The following LILRB2 variants were observed in gnomAD, a reference collection of about 807,000 sequenced individuals.
LILRB2 encodes the protein leukocyte immunoglobulin-like receptor subfamily B member 2.
In LILRB2, 47 loss-of-function variants were observed where a neutral mutation model predicts 72.7. That is an observed-to-expected ratio of 0.65 (90% CI 0.51 to 0.82). The LOEUF (loss-of-function observed/expected upper bound fraction) is 0.82, where lower values mean the gene tolerates loss of function less well. Ranked by LOEUF, LILRB2 falls within the 40% of genes least tolerant of loss-of-function variation. The pLI, the probability that LILRB2 is intolerant of heterozygous loss-of-function variation, is 0.00. For missense variants in LILRB2, 767 were observed against 764.8 expected, an observed-to-expected ratio of 1.00 and a Z score of -0.03; for synonymous variants, 279 against 313.7, an observed-to-expected ratio of 0.89 and a Z score of 1.17.
Position 54,278,442 on chromosome 19 carries a change from G to C in LILRB2, c.1076C>G (p.Ala359Gly), listed in dbSNP as rs150441991. Residue 359 changes from alanine to glycine, a missense_variant, in exon 7 of 14, where the codon GCG becomes GGG. Around this residue, in one of 3 missense-constraint regions of LILRB2, gnomAD observed 599 missense variants for 568.2 expected, o/e 1.05. Transcript: ENST00000314446. ...ACGGAGTGGGGCATCAGCTGCTCCCGCCTTGGTCAGAAGGAAAGTGTGGAA... is the reference window on the plus strand; with the variant it reads ...ACGGAGTGGGGCATCAGCTGCTCCCCCCTTGGTCAGAAGGAAAGTGTGGAA... The part of the protein sequence containing the change: ...RQFHTFLLTK[A>G]GAADAPLRLR... 6.3e-7 allele frequency: 1 copy of C among 1,598,188 alleles called. No individual in the cohort carries two copies.
intron 1 of LILRB2, 167 bp from the exon 2 acceptor site, chr19:54,280,711 G>T: frequency 1.0e-6 from 1 of 965,250 alleles, no homozygotes; most frequent in Non-Finnish European, 1.6e-6. Flanking sequence ...GCTGAGGTGG[G>T]GGCAGGCACT....
intron 1 of LILRB2, 146 bp from the exon 2 acceptor site, chr19:54,280,690 A>C: frequency 3.3e-6 from 2 of 598,734 alleles, no homozygotes; most frequent in Admixed American, 4.1e-5. Context: ...CCTGACTCTC[A>C]TTCTTTTAGA....
In LILRB2 at chr19:54,277,927, C is replaced by T. The variant is rs1254532350; in HGVS notation, c.1271G>A (p.Gly424Asp). Residue 424 changes from glycine to aspartate, a missense_variant, in exon 8 of 14, where the codon GGT (glycine) becomes GAT (aspartate). Transcript: ENST00000314446. ...GGGACCGGTGGGTGGGGGGCTGGAA[C>T]CCATGGAGGGTCCTGGGTGAAAGAA... ...LELVVSGPSM[G>D]SSPPPTGPIS... is the part of the protein sequence containing the mutation. 11 of 1,533,948 alleles carry T rather than the reference C, an allele frequency of 7.2e-6. No individual in the cohort carries two copies. The highest frequency in any genetic ancestry group is 9.7e-6 in the Non-Finnish European group (11 of 1,138,846).
In LILRB2 at chr19:54,280,027, G is replaced by T. The variant is rs75728057; in HGVS notation, c.119C>A (p.Thr40Asn). 1 of 1,613,988 alleles carries T rather than the reference G, an allele frequency of 6.2e-7. No homozygotes were observed. The highest frequency in any genetic ancestry group is 2.2e-5 in the East Asian group (1 of 44,894). The change falls in exon 4 of 14, where the codon ACC becomes AAC. Residue 40 changes from threonine to asparagine, a missense_variant. Physicochemically the swap from Thr to Asn is moderately conservative, Grantham distance 65 (BLOSUM62 0). Around this residue, in one of 3 missense-constraint regions of LILRB2, gnomAD observed 599 missense variants for 568.2 expected, o/e 1.05. Coordinates refer to ENST00000314446, the MANE Select transcript of LILRB2 (RefSeq NM_001080978.4). ...TLWAEPDSVITQGSPVTLSCQ... is the reference protein window; with the variant it reads ...TLWAEPDSVINQGSPVTLSCQ... ...ACTGAGGGTGACGGGACTCCCCTGG[G>T]TGATCACAGAGTCTGGCTCAGCCCA...
intron 1 of LILRB2, 85 bp from the exon 2 acceptor site, chr19:54,280,629 G>A: frequency 1.3e-6 from 2 of 1,541,364 alleles, no homozygotes; most frequent in Non-Finnish European, 8.9e-7. Context: ...TCCTTCTCAT[G>A]GGGTGTTGTC....
chr19:54,278,167 C>G, intron 7 of LILRB2, 93 bp downstream of exon 7: 4 of 1,532,892 alleles, frequency 2.6e-6, no homozygotes, highest in South Asian at 1.2e-5. Context: ...CCGCTCAGAC[C>G]CCCGCTCACT....
In LILRB2 at chr19:54,279,012, T is replaced by G. The variant is rs1376503985; in HGVS notation, c.755A>C (p.Asp252Ala). ...TLQCVSDVGY[D>A]RFVLYKEGER... ...CCCCTCCTTGTACAGAACAAATCTG[T>G]CATAGCCGACATCAGAGACACACTG... The change falls in exon 6 of 14, where the codon GAC (aspartate) becomes GCC (alanine). Residue 252 changes from aspartate (D) to alanine (A), a missense_variant. Asp to Ala is a moderately radical substitution (Grantham distance 126). Transcript: ENST00000314446. The G allele has an allele frequency of 6.2e-7, 1 of 1,614,178 alleles. No individual in the cohort carries two copies. Among genetic ancestry groups the G allele is most frequent in the South Asian group, 1.1e-5 (1 of 91,092 alleles).
Position 54,276,855 on chromosome 19 carries a change from G to C in LILRB2, c.1432C>G (p.Leu478Val), listed in dbSNP as rs769235833. 55 of 1,553,562 alleles carry C rather than the reference G, an allele frequency of 3.5e-5. No individual in the cohort carries two copies. Among genetic ancestry groups the C allele is most frequent in the Non-Finnish European group, 3.9e-5 (44 of 1,140,938 alleles). ...VVLLLLLLLL[L>V]FLILRHRRQG... ...CGTCGATGTCGGAGGATGAGGAAGA[G>C]GAGGAGGAGGAGGAGGAGCAGTAGG... The change falls in exon 10 of 14, where the codon CTC becomes GTC. Residue 478 changes from leucine (L) to valine (V), a missense_variant. By Grantham distance (32) the Leu-to-Val change is conservative. Around this residue, in one of 3 missense-constraint regions of LILRB2, gnomAD observed 162 missense variants for 176.7 expected, o/e 0.92. Coordinates refer to ENST00000314446, the MANE Select transcript of LILRB2 (RefSeq NM_001080978.4).
rs8110077 is a variant in LILRB2 at position 54,275,362 on chromosome 19, C to G, written c.1648-533G>C. The G allele has an allele frequency of 6.1e-3, 3,168 of 521,190 alleles. 75 individuals carry two copies. The highest frequency in any genetic ancestry group is 0.054 in the African/African-American group (2,800 of 52,020). 32.3% of individuals were successfully genotyped at this position (521,190 alleles called of 1,614,324 possible). A position where few individuals can be genotyped will look rare whatever the true frequency, so the allele number is the denominator to read the frequency against. On this transcript the variant is annotated intron_variant, in intron 13 of 13. Coordinates refer to ENST00000314446, the MANE Select transcript of LILRB2 (RefSeq NM_001080978.4). ...TGCAGGGGCTCGTCCATTAGAGGAT[C>G]GTGTGCCCCACTCTGTCCAGGCTTC... is the stretch of plus-strand genomic sequence containing the variant.
At position 54,276,813 on chromosome 19, in the gene LILRB2, T is replaced by C. The variant is rs780161616; in HGVS notation, c.1474A>G (p.Thr492Ala). ...TTTCCCCTTCCCTACTCACTCGATG[T>C]CCAGTGTTTGCCCTGACGTCGATGT... ...LRHRRQGKHWTSTQRKADFQH... is the reference protein window; with the variant it reads ...LRHRRQGKHWASTQRKADFQH... Residue 492 changes from threonine to alanine, a missense_variant, in exon 10 of 14, where the codon ACA becomes GCA. Around this residue, in one of 3 missense-constraint regions of LILRB2, gnomAD observed 162 missense variants for 176.7 expected, o/e 0.92. Transcript: ENST00000314446. 6.2e-7 allele frequency: 1 copy of C among 1,613,486 alleles called. No homozygotes were observed.
chr19:54,275,029 T>C lies in LILRB2; in HGVS notation c.1648-200A>G. The C allele has an allele frequency of 3.1e-6, 5 of 1,608,446 alleles. 1 individual carries two copies. In the South Asian group the frequency reaches 4.4e-5, roughly 14 times the overall value. On this transcript the variant is annotated intron_variant, in intron 13 of 13. Transcript: ENST00000314446. ...AGGTCTGGAGTGTTTCACCGGGGCA[T>C]ATGTCACTGCCTGGGGGTCTTCATC... is the stretch of plus-strand genomic sequence containing the variant.
chr19:54,276,801 A>C lies in LILRB2; in HGVS notation c.1480+6T>G, dbSNP rs1569096692. ...CGGCCCACAGGGTTTCCCCTTCCCT[A>C]CTCACTCGATGTCCAGTGTTTGCCC... is the stretch of plus-strand genomic sequence containing the variant. On this transcript the variant is annotated splice_donor_region_variant and intron_variant, in intron 10 of 13. Coordinates refer to ENST00000314446, the MANE Select transcript of LILRB2 (RefSeq NM_001080978.4). 6.2e-7 allele frequency: 1 copy of C among 1,611,946 alleles called. No individual in the cohort carries two copies.
At chr19:54,278,722 CCCG>C in intron 6 of LILRB2, 87 bp downstream of exon 6, 3 of 1,561,728 alleles carry the variant, frequency 1.9e-6, no homozygotes, top group Non-Finnish European at 8.7e-7. Flanking sequence ...GGGACCACCC[CCCG>C]CCTCATCCTG....
Position 54,281,002 on chromosome 19 carries a change from G to A in LILRB2, c.-90C>T. 5 of 1,152,020 alleles carry A rather than the reference G, an allele frequency of 4.3e-6. No individual in the cohort carries two copies. Among genetic ancestry groups the A allele is most frequent in the Non-Finnish European group, 5.9e-6 (5 of 846,864 alleles). The allele number at this position is 1,152,020 out of a possible 1,614,324, so 71.4% of individuals were successfully genotyped here. ...CCAGCCCTGGAGATGCTTCAGGGAA[G>A]ACCCAGGTCCATGCTGCAGGCAGAC... On this transcript the variant is annotated 5_prime_UTR_variant, in exon 1 of 14. Transcript: ENST00000314446.
At chr19:54,280,601 G>C (rs2080506399) in intron 1 of LILRB2, 57 bp from the exon 2 acceptor site, 1 of 1,565,834 alleles carries the variant, frequency 6.4e-7, no homozygotes, top group Non-Finnish European at 8.8e-7. Context: ...CACCCTGTGT[G>C]GACACTCAGA....
chr19:54,280,021 C>T lies in LILRB2; in HGVS notation c.125G>A (p.Gly42Glu). Residue 42 changes from glycine (G) to glutamate (E), a missense_variant, in exon 4 of 14, where the codon GGG becomes GAG. Transcript: ENST00000314446. ...CTGACAACTGAGGGTGACGGGACTC[C>T]CCTGGGTGATCACAGAGTCTGGCTC... ...WAEPDSVITQ[G>E]SPVTLSCQGS... 1 of 1,614,114 alleles carries T rather than the reference C, an allele frequency of 6.2e-7. No homozygotes were observed. The highest frequency in any genetic ancestry group is 8.5e-7 in the Non-Finnish European group (1 of 1,179,996).
rs535727080 is a variant in LILRB2 at position 54,276,794 on chromosome 19, C to CCA, written c.1480+12_1480+13insTG. ...CCTCGGTCGGCCCACAGGGTTTCCC[C>CCA]TTCCCTACTCACTCGATGTCCAGTG... On this transcript the variant is annotated intron_variant, in intron 10 of 13. Coordinates refer to ENST00000314446, the MANE Select transcript of LILRB2 (RefSeq NM_001080978.4). 6.2e-7 allele frequency: 1 copy of CCA among 1,603,638 alleles called. No individual in the cohort carries two copies. The highest frequency in any genetic ancestry group is 8.5e-7 in the Non-Finnish European group (1 of 1,173,886).
chr19:54,275,375 C>G, intron 13 of LILRB2: 1 of 512,990 alleles, frequency 1.9e-6, no homozygotes. Flanking sequence ...GTGCCCCACT[C>G]TGTCCAGGCT....
At chr19:54,280,378 C>G in intron 2 of LILRB2, 79 bp from the exon 3 acceptor site, 1 of 1,614,054 alleles carries the variant, frequency 6.2e-7, no homozygotes, top group South Asian at 1.1e-5. Context: ...TTTGTGAGCC[C>G]CTGGGGTCTC....
Sources: gnomAD v4.1 joint callset for allele counts on GRCh38, gnomAD v4.1.1 for gene constraint, gnomAD v4.1.1 regional missense constraint, MANE v1.5 for transcripts, NCBI Gene and HGNC (gene_info 2026-07-23, HGNC 2026-07-21) for gene names.